Variants in MEGF11 observed in about 807,000 individuals in gnomAD.
MEGF11 encodes the protein multiple EGF like domains 11, also known as multiple epidermal growth factor-like domains protein 11.
A neutral mutation model predicts 146.6 loss-of-function variants in MEGF11; 126 were observed. That is an observed-to-expected ratio of 0.86 (90% CI 0.74 to 1.00). The LOEUF is 1.00. MEGF11 is among the 50% of genes least tolerant of loss of function. The pLI is 0.00. For missense variants in MEGF11, 1,509 were observed against 1,521.2 expected, an observed-to-expected ratio of 0.99 and a Z score of 0.13; for synonymous variants, 532 against 583.4, an observed-to-expected ratio of 0.91 and a Z score of 1.27.
chr15:65,909,808 T>A lies in MEGF11; in HGVS notation c.2830-2A>T. 2.5e-6 allele frequency: 4 copies of A among 1,573,658 alleles called. No homozygotes were observed. Among genetic ancestry groups the A allele is most frequent in the Non-Finnish European group, 3.4e-6 (4 of 1,167,328 alleles). On this transcript the variant is annotated splice_acceptor_variant, in intron 21 of 25. Coordinates refer to ENST00000395614, the MANE Select transcript of MEGF11 (RefSeq NM_001385028.1). LOFTEE classifies it high-confidence loss of function. ...TCTGTCAAGGGACTTGTTACTGAGC[T>A]GTTTGGAGAGTAGGAGAGCCAGTTA...
At chr15:66,035,355 C>T (rs1172108391) in intron 5 of MEGF11, among the ~76,000 whole-genome samples, 1 of 152,192 alleles carries the variant, frequency 6.6e-6, no homozygotes, top group Non-Finnish European at 1.5e-5. Context: ...CTCAGTGTTG[C>T]AATAACTGCA....
chr15:66,171,675 C>A lies in MEGF11; in HGVS notation c.-8-43264G>T, dbSNP rs76900736. 1.4e-4 allele frequency among the ~76,000 whole-genome samples: 21 copies of A among 151,920 alleles called. No individual in the cohort carries two copies. The East Asian group carries it at 4.1e-3, about 30-fold the overall frequency. ...CTCCCACCTGTCTGCTCCCCCAAAGCCGATCTGCAAGAACCCCCACGCAAC... is the reference window on the plus strand; with the variant it reads ...CTCCCACCTGTCTGCTCCCCCAAAGACGATCTGCAAGAACCCCCACGCAAC... On this transcript the variant is annotated intron_variant, in intron 1 of 25. Coordinates refer to ENST00000395614, the MANE Select transcript of MEGF11 (RefSeq NM_001385028.1).
At chr15:65,960,550 T>G (rs2080823744) in intron 9 of MEGF11, among the ~76,000 whole-genome samples, 2 of 152,362 alleles carry the variant, frequency 1.3e-5, no homozygotes, top group South Asian at 4.1e-4. Flanking sequence ...AGGGTTAGCG[T>G]AGAGAGACTG....
In MEGF11 at chr15:66,094,455, GA is replaced by G; in HGVS notation, c.340del (p.Ser114ProfsTer173). The G allele has an allele frequency of 6.4e-7, 1 of 1,560,990 alleles. No individual in the cohort carries two copies. Among genetic ancestry groups the G allele is most frequent in the Non-Finnish European group, 8.7e-7 (1 of 1,152,348 alleles). On this transcript the variant is annotated frameshift_variant, in exon 5 of 26. Transcript: ENST00000395614. LOFTEE classifies it high-confidence loss of function. ...TEECVHGRCV[S>X]PDTCHCEPGW... ...AGGCTCGCAGTGGCAGGTGTCCGGG[GA>G]AACGCAGCGGCCGTGCACACACTCC...
At chr15:66,010,158 A>C (rs2140107247) in intron 5 of MEGF11, among the ~76,000 whole-genome samples, 1 of 125,204 alleles carries the variant, frequency 8.0e-6, no homozygotes, top group East Asian at 2.1e-4. Context: ...ACAGCTGATT[A>C]GCTAAAAAAA....
intron 5 of MEGF11, among the ~76,000 whole-genome samples, chr15:66,033,100 A>G (rs76607248): frequency 0.24 from 33,762 of 143,084 alleles, 4,914 homozygotes; most frequent in East Asian, 0.59. Context: ...AAAAAAAAAA[A>G]AAAAAGAAGC....
chr15:66,113,019 GCAACAGCAATAATGAA>G (rs2087515714), intron 4 of MEGF11, among the ~76,000 whole-genome samples: 1 of 152,194 alleles, frequency 6.6e-6, no homozygotes, highest in South Asian at 2.1e-4. Flanking sequence ...ATTGTGCAAA[GCAACAGCAATAATGAA>G]ACAGGAGTAC....
intron 1 of MEGF11, among the ~76,000 whole-genome samples, chr15:66,234,192 C>T (rs1406123379): frequency 6.6e-6 from 1 of 152,122 alleles, no homozygotes; most frequent in Non-Finnish European, 1.5e-5. Flanking sequence ...AGCCACTGCA[C>T]CCGGCCAGAC....
chr15:66,122,761 T>G (rs2088096761), intron 3 of MEGF11, among the ~76,000 whole-genome samples: 1 of 139,224 alleles, frequency 7.2e-6, no homozygotes, highest in Non-Finnish European at 1.6e-5. Flanking sequence ...ACAAGGTTTA[T>G]TAAGGCTTTT....
chr15:66,099,690 G>A (rs917028251), intron 4 of MEGF11, among the ~76,000 whole-genome samples: 1 of 152,234 alleles, frequency 6.6e-6, no homozygotes, highest in African/African-American at 2.4e-5. Flanking sequence ...CCAAGTACCA[G>A]GGGTTAGTTA....
At chr15:66,183,688 G>A (rs1808816647) in intron 1 of MEGF11, among the ~76,000 whole-genome samples, 1 of 152,170 alleles carries the variant, frequency 6.6e-6, no homozygotes, top group Non-Finnish European at 1.5e-5. Flanking sequence ...GAGGTCCAGA[G>A]AGCTTAGGAC....
chr15:66,211,187 A>AT (rs1352730286), intron 1 of MEGF11, among the ~76,000 whole-genome samples: 2 of 152,010 alleles, frequency 1.3e-5, no homozygotes, highest in South Asian at 2.1e-4. Context: ...TTTTCTTTGC[A>AT]TTTTTTCCCT....
At chr15:66,035,916 A>G (rs1441856123) in intron 5 of MEGF11, among the ~76,000 whole-genome samples, 1 of 152,210 alleles carries the variant, frequency 6.6e-6, no homozygotes, top group African/African-American at 2.4e-5. Context: ...TCTGTGGCTG[A>G]TGGCTTGTGT....
intron 1 of MEGF11, among the ~76,000 whole-genome samples, chr15:66,202,186 C>G (rs2091180474): frequency 6.6e-6 from 1 of 152,058 alleles, no homozygotes; most frequent in African/African-American, 2.4e-5. Flanking sequence ...TGCACCAATA[C>G]CTTACCTGTG....
At chr15:66,178,442 G>A (rs2141140297) in intron 1 of MEGF11, among the ~76,000 whole-genome samples, 1 of 152,308 alleles carries the variant, frequency 6.6e-6, no homozygotes, top group South Asian at 2.1e-4. Context: ...CCTGTTTGCA[G>A]TGGTGTACCC....
At chr15:66,052,715 G>A (rs1358833415) in intron 5 of MEGF11, among the ~76,000 whole-genome samples, 1 of 152,186 alleles carries the variant, frequency 6.6e-6, no homozygotes, top group African/African-American at 2.4e-5. Context: ...CTCAGTGGCT[G>A]TGAGGCTGCA....
intron 1 of MEGF11, among the ~76,000 whole-genome samples, chr15:66,160,241 C>G (rs549853854): frequency 9.9e-4 from 123 of 124,844 alleles, no homozygotes; most frequent in South Asian, 1.8e-3. Context: ...CAAGGAAAAG[C>G]CCTCTCTCTC....
chr15:65,929,753 G>A lies in MEGF11; in HGVS notation c.1539C>T (p.Gly513=). The part of the protein sequence containing the change: ...PIDGSCSCTP[G]WLGDTCELPC... The stretch of plus-strand genomic sequence containing the variant: ...GCAGCTCACAGGTGTCTCCCAGCCA[G>A]CCAGGAGTGCAGGAGCAGGAGCCGT... The change falls in exon 12 of 26, where the codon GGC becomes GGT. Residue 513 remains glycine, a synonymous_variant. Transcript: ENST00000395614. The A allele has an allele frequency of 6.4e-7, 1 of 1,552,930 alleles. No homozygotes were observed. The highest frequency in any genetic ancestry group is 8.7e-7 in the Non-Finnish European group (1 of 1,147,718).
At chr15:66,183,766 G>A (rs567283035) in intron 1 of MEGF11, among the ~76,000 whole-genome samples, 3 of 152,126 alleles carry the variant, frequency 2.0e-5, no homozygotes, top group Non-Finnish European at 2.9e-5. Flanking sequence ...GGAGGGCTGG[G>A]CAGTGGGGAT....
Sources: gnomAD v4.1 joint callset for allele counts (sites outside exome capture counted in the v4.1 genomes callset) on GRCh38, gnomAD v4.1.1 for gene constraint, MANE v1.5 for transcripts, NCBI Gene and HGNC (gene_info 2026-07-23, HGNC 2026-07-21) for gene names.